ZKSCAN5: variants seen among roughly 807,000 people sequenced by gnomAD.
ZKSCAN5 encodes the protein zinc finger with KRAB and SCAN domains 5.
Under a neutral mutation model 60.0 loss-of-function variants are expected in ZKSCAN5, and 28 were observed. That is an observed-to-expected ratio of 0.47 (90% CI 0.35 to 0.64). ZKSCAN5 has a LOEUF of 0.64. ZKSCAN5 is among the 30% of genes least tolerant of loss of function. The pLI is 0.01. For missense variants in ZKSCAN5, 881 were observed against 1,034.6 expected (o/e 0.85, Z 2.04); for synonymous variants, 361 against 371.2 (o/e 0.97, Z 0.31).
At position 99,532,421 on chromosome 7, in the gene ZKSCAN5, A is replaced by G; in HGVS notation, c.*172A>G. On this transcript the variant is annotated 3_prime_UTR_variant, in exon 7 of 7. Transcript: ENST00000326775. ...CACCGGAGAACCCACAATAATAGAA[A>G]TCTTTTCGTGTTCCCCATTGAGAAA... is the stretch of plus-strand genomic sequence containing the variant. 1.9e-6 allele frequency: 1 copy of G among 521,422 alleles called. No individual in the cohort carries two copies. The highest frequency in any genetic ancestry group is 3.1e-6 in the Non-Finnish European group (1 of 318,574). 32.3% of individuals were successfully genotyped at this position (521,422 alleles called of 1,614,324 possible). A position where few individuals can be genotyped will look rare whatever the true frequency, so the allele number is the denominator to read the frequency against.
Position 99,520,225 on chromosome 7 carries a change from A to C in ZKSCAN5, c.693A>C (p.Glu231Asp). Residue 231 changes from glutamate to aspartate, a missense_variant, in exon 5 of 7, where the codon GAA (glutamate) becomes GAC (aspartate). Glu to Asp is a conservative substitution (Grantham distance 45). This residue lies in a region of ZKSCAN5 where 490 missense variants were observed against 554.5 expected (regional missense o/e 0.88). Coordinates refer to ENST00000326775, the MANE Select transcript of ZKSCAN5 (RefSeq NM_145102.4). The part of the protein sequence containing the change: ...ADVAVSFILE[E>D]WGHLDQSQKS... ...TGGCTGTATCCTTCATCCTGGAGGA[A>C]TGGGGGCATTTGGACCAGTCCCAGA... 6.2e-7 allele frequency: 1 copy of C among 1,614,154 alleles called. No individual in the cohort carries two copies. Among genetic ancestry groups the C allele is most frequent in the Non-Finnish European group, 8.5e-7 (1 of 1,180,016 alleles).
intron 5 of ZKSCAN5, among the ~76,000 whole-genome samples, chr7:99,520,651 A>T (rs1801495690): frequency 6.6e-6 from 1 of 152,140 alleles, no homozygotes; most frequent in Admixed American, 6.6e-5. Context: ...TGGGAGAATC[A>T]CTTGAGTCCT....
chr7:99,531,413 G>T lies in ZKSCAN5; in HGVS notation c.1684G>T (p.Ala562Ser). ...GTGTGGGAAAAGCTTCATTCAGAGT[G>T]CACATCTTATTCAACATCAAAGAAT... Reference protein sequence around the residue: ...NECGKSFIQSAHLIQHQRIHT... With the variant: ...NECGKSFIQSSHLIQHQRIHT... Residue 562 changes from alanine (A) to serine (S), a missense_variant, in exon 7 of 7, where the codon GCA (alanine) becomes TCA (serine). This residue lies in a region of ZKSCAN5 where 490 missense variants were observed against 554.5 expected (regional missense o/e 0.88). Coordinates refer to ENST00000326775, the MANE Select transcript of ZKSCAN5 (RefSeq NM_145102.4). 1 of 1,614,192 alleles carries T rather than the reference G, an allele frequency of 6.2e-7. No homozygotes were observed. Among genetic ancestry groups the T allele is most frequent in the Non-Finnish European group, 8.5e-7 (1 of 1,180,030 alleles).
At chr7:99,529,355 G>A (rs1191751971) in intron 6 of ZKSCAN5, among the ~76,000 whole-genome samples, 3 of 152,032 alleles carry the variant, frequency 2.0e-5, no homozygotes, top group Non-Finnish European at 2.9e-5. Context: ...TGGTCAGGCT[G>A]GTCTTGAACT....
At chr7:99,514,073 T>C (rs1456990183) in intron 3 of ZKSCAN5, among the ~76,000 whole-genome samples, 12 of 152,118 alleles carry the variant, frequency 7.9e-5, no homozygotes, top group Admixed American at 7.9e-4. Flanking sequence ...TGTCACACAA[T>C]GCTTTTAGCA....
In ZKSCAN5 at chr7:99,522,583, C is replaced by T. The variant is rs373547193; in HGVS notation, c.772+2279C>T. On this transcript the variant is annotated intron_variant, in intron 5 of 6. Coordinates refer to ENST00000326775, the MANE Select transcript of ZKSCAN5 (RefSeq NM_145102.4). ...CTGCCTCCCGGGTTCAAGCTATTCT[C>T]GCACCTCAGCCTCCCGAGTAGCTCC... Among the ~76,000 whole-genome samples, 391 of 151,450 alleles carry T rather than the reference C, an allele frequency of 2.6e-3. 2 individuals are homozygous for T. Among genetic ancestry groups the T allele is most frequent in the African/African-American group, 7.1e-3 (293 of 41,298 alleles).
In ZKSCAN5 at chr7:99,525,491, G is replaced by A. The variant is rs113092422; in HGVS notation, c.773-322G>A. 3.3e-5 allele frequency among the ~76,000 whole-genome samples: 5 copies of A among 151,918 alleles called. No individual in the cohort carries two copies. The South Asian group carries it at 6.2e-4, about 19-fold the overall frequency. On this transcript the variant is annotated intron_variant, in intron 5 of 6. Transcript: ENST00000326775. Reference sequence around the variant, plus strand: ...TGTCTCAAAACACACACATACACGCGCGCGCGCACACACACACACACAAGA... The same window carrying A: ...TGTCTCAAAACACACACATACACGCACGCGCGCACACACACACACACAAGA...
Position 99,533,098 on chromosome 7 carries a change from TAGA to T in ZKSCAN5, c.*852_*854del. ...ACAGGAATGAGGGCAGCTAAACCCATAGAAGGAGTTGGACCAAGGCGAATTACG... is the reference window on the plus strand; with the variant it reads ...ACAGGAATGAGGGCAGCTAAACCCATAGGAGTTGGACCAAGGCGAATTACG... On this transcript the variant is annotated 3_prime_UTR_variant, in exon 7 of 7. Coordinates refer to ENST00000326775, the MANE Select transcript of ZKSCAN5 (RefSeq NM_145102.4). 2.8e-6 allele frequency: 1 copy of T among 357,850 alleles called. No homozygotes were observed. The highest frequency in any genetic ancestry group is 5.9e-6 in the Non-Finnish European group (1 of 170,050). 22.2% of individuals were successfully genotyped at this position (357,850 alleles called of 1,614,324 possible).
intron 3 of ZKSCAN5, among the ~76,000 whole-genome samples, chr7:99,513,999 C>T (rs375542244): frequency 2.0e-5 from 3 of 152,176 alleles, no homozygotes; most frequent in East Asian, 3.9e-4. Flanking sequence ...GAGCTGAGAC[C>T]GTGGCACTGG....
chr7:99,506,557 C>T, intron 2 of ZKSCAN5, 99 bp downstream of exon 2: 1 of 1,404,292 alleles, frequency 7.1e-7, no homozygotes, highest in South Asian at 1.5e-5. Flanking sequence ...CATTCATATT[C>T]TTTTGTTCTC....
chr7:99,527,679 T>TTTTTC (rs1228028971), intron 6 of ZKSCAN5, among the ~76,000 whole-genome samples: 2 of 152,106 alleles, frequency 1.3e-5, no homozygotes, highest in East Asian at 3.9e-4. Context: ...ACTTTTTCTT[T>TTTTTC]TTTTCTTTTC....
intron 2 of ZKSCAN5, among the ~76,000 whole-genome samples, chr7:99,508,352 T>G (rs1194749117): frequency 6.6e-6 from 1 of 151,996 alleles, no homozygotes; most frequent in Non-Finnish European, 1.5e-5. Context: ...GGTTCCCTCA[T>G]AGAGGGTATA....
At chr7:99,530,937 G>A (rs1244283717) in intron 6 of ZKSCAN5, among the ~76,000 whole-genome samples, 171 bp from the exon 7 acceptor site, 2 of 151,918 alleles carry the variant, frequency 1.3e-5, no homozygotes, top group African/African-American at 4.8e-5. Context: ...CACGCCTGTA[G>A]TCTCAGCTAC....
chr7:99,519,077 G>A (rs1320058313), intron 3 of ZKSCAN5, among the ~76,000 whole-genome samples: 1 of 151,078 alleles, frequency 6.6e-6, no homozygotes, highest in Non-Finnish European at 1.5e-5. Flanking sequence ...CCAGGTTCAA[G>A]CAATTCTCCT....
rs181134574 is a variant in ZKSCAN5 at position 99,512,096 on chromosome 7, C to T, written c.415-357C>T. ...CGTGAGCCACCCCGTGCGCCCAGCCCTTCTCAACCTTTAAGTGTTTGCTTA... is the reference window on the plus strand; with the variant it reads ...CGTGAGCCACCCCGTGCGCCCAGCCTTTCTCAACCTTTAAGTGTTTGCTTA... On this transcript the variant is annotated intron_variant, in intron 2 of 6. Coordinates refer to ENST00000326775, the MANE Select transcript of ZKSCAN5 (RefSeq NM_145102.4). Among the ~76,000 whole-genome samples, 16 of 152,256 alleles carry T rather than the reference C, an allele frequency of 1.1e-4. No homozygotes were observed. The East Asian group carries it at 2.9e-3, about 28-fold the overall frequency.
chr7:99,512,542 C>A lies in ZKSCAN5; in HGVS notation c.504C>A (p.Asp168Glu). The A allele has an allele frequency of 6.2e-7, 1 of 1,614,180 alleles. No individual in the cohort carries two copies. The highest frequency in any genetic ancestry group is 8.5e-7 in the Non-Finnish European group (1 of 1,180,018). ...GCAGCCCCCATCCCCTGACCGTGGA[C>A]ACCCAGCCTGAGCAAGCGCCACAGA... ...ESCSPHPLTV[D>E]TQPEQAPQKP... The change falls in exon 3 of 7, where the codon GAC (aspartate) becomes GAA (glutamate). Residue 168 changes from aspartate (D) to glutamate (E), a missense_variant. By Grantham distance (45) the Asp-to-Glu change is conservative. This residue lies in a region of ZKSCAN5 where 490 missense variants were observed against 554.5 expected (regional missense o/e 0.88). Transcript: ENST00000326775.
In ZKSCAN5 at chr7:99,513,382, T is replaced by C. The variant is rs77481243; in HGVS notation, c.553+791T>C. On this transcript the variant is annotated intron_variant, in intron 3 of 6. Transcript: ENST00000326775. ...CAAAAGTATCACAGATTTTTGCCTT[T>C]CTGTCATAGATTGTCTTTCTTTTAT... Among the ~76,000 whole-genome samples, 713 of 152,266 alleles carry C rather than the reference T, an allele frequency of 4.7e-3. 7 individuals carry two copies. The highest frequency in any genetic ancestry group is 0.016 in the African/African-American group (658 of 41,554).
Position 99,520,054 on chromosome 7 carries a change from T to A in ZKSCAN5, c.637-115T>A, listed in dbSNP as rs565589912. ...TTCCTTTCTGCCTAGTCCTTCCCCA[T>A]CCTCTTTGAGGCACAGTTCCTCCCC... On this transcript the variant is annotated intron_variant, in intron 4 of 6. Transcript: ENST00000326775. The A allele has an allele frequency of 6.4e-5, 97 of 1,512,152 alleles. 1 individual carries two copies. In the South Asian group the frequency reaches 1.1e-3, roughly 17 times the overall value. The allele number at this position is 1,512,152 out of a possible 1,614,324, so 93.7% of individuals were successfully genotyped here.
At chr7:99,511,146 G>A (rs1038773285) in intron 2 of ZKSCAN5, among the ~76,000 whole-genome samples, 5 of 152,210 alleles carry the variant, frequency 3.3e-5, no homozygotes, top group Non-Finnish European at 7.3e-5. Context: ...AAAGGGGAAA[G>A]GAACTTACTA....
Sources: gnomAD v4.1 joint callset for allele counts (sites outside exome capture counted in the v4.1 genomes callset) on GRCh38, gnomAD v4.1.1 for gene constraint, gnomAD v4.1.1 regional missense constraint, MANE v1.5 for transcripts, NCBI Gene and HGNC (gene_info 2026-07-23, HGNC 2026-07-21) for gene names.